The following CORO2A variants were observed in gnomAD, a reference collection of about 807,000 sequenced individuals.
CORO2A encodes the protein coronin 2A.
Under a neutral mutation model 62.4 loss-of-function variants are expected in CORO2A, and 47 were observed. The observed-to-expected ratio is 0.75, with a 90% CI of 0.60 to 0.96. The LOEUF is 0.96. Among genes scored for constraint, CORO2A ranks in the 40% least tolerant of loss-of-function variants. The pLI, the probability that CORO2A is intolerant of heterozygous loss-of-function variation, is 0.00. For synonymous variants in CORO2A, 273 were observed against 268.9 expected (o/e 1.02, Z -0.15); for missense variants, 610 against 684.1 (o/e 0.89, Z 1.21).
intron 2 of CORO2A, among the ~76,000 whole-genome samples, chr9:98,146,996 G>A (rs756416497): frequency 1.4e-4 from 21 of 152,184 alleles, no homozygotes; most frequent in Non-Finnish European, 2.4e-4. Context: ...GCCAGGTGTG[G>A]TGGCTCATGC....
At chr9:98,142,063 G>T (rs1358359528) in intron 2 of CORO2A, among the ~76,000 whole-genome samples, 1 of 152,188 alleles carries the variant, frequency 6.6e-6, no homozygotes, top group African/African-American at 2.4e-5. Context: ...ATTAAAAAAG[G>T]TGTTTAAAAA....
At chr9:98,127,108 G>A (rs1827332838) in intron 10 of CORO2A, among the ~76,000 whole-genome samples, 1 of 152,204 alleles carries the variant, frequency 6.6e-6, no homozygotes, top group South Asian at 2.1e-4. Flanking sequence ...ATGAGACCTT[G>A]CCCTTGCTTT....
chr9:98,160,306 G>C (rs1827866351), intron 1 of CORO2A, among the ~76,000 whole-genome samples: 1 of 152,192 alleles, frequency 6.6e-6, no homozygotes, highest in Admixed American at 6.5e-5. Flanking sequence ...AGGGACACAA[G>C]GAAAATGCAG....
At position 98,126,732 on chromosome 9, in the gene CORO2A, T is replaced by TG. The variant is rs1439763628; in HGVS notation, c.1262dup (p.Ala422SerfsTer49). ...TCTGATTCAAGAGCCGGGGTGAGGC[T>TG]GGGGCCATGGAATTGAAGATAGGTC... On this transcript the variant is annotated frameshift_variant, in exon 11 of 12. Transcript: ENST00000375077. LOFTEE classifies it high-confidence loss of function. The TG allele has an allele frequency of 6.2e-7, 1 of 1,614,032 alleles. No individual in the cohort carries two copies. The highest frequency in any genetic ancestry group is 8.5e-7 in the Non-Finnish European group (1 of 1,180,034).
intron 1 of CORO2A, among the ~76,000 whole-genome samples, chr9:98,184,055 A>C (rs1828208970): frequency 6.6e-6 from 1 of 152,172 alleles, no homozygotes; most frequent in African/African-American, 2.4e-5. Flanking sequence ...AGTATACAGG[A>C]GGGTGTGTGT....
chr9:98,142,971 A>G (rs1413362513), intron 2 of CORO2A, among the ~76,000 whole-genome samples: 1 of 152,192 alleles, frequency 6.6e-6, no homozygotes, highest in Non-Finnish European at 1.5e-5. Flanking sequence ...CTGGTGGGCT[A>G]TTGACTGAGC....
intron 2 of CORO2A, among the ~76,000 whole-genome samples, chr9:98,151,879 C>T (rs777215718): frequency 1.3e-4 from 19 of 150,232 alleles, no homozygotes; most frequent in Admixed American, 7.3e-4. Context: ...TACAGTGGCG[C>T]GATCTCGACT....
At chr9:98,147,758 C>A (rs1263936999) in intron 2 of CORO2A, among the ~76,000 whole-genome samples, 1 of 152,208 alleles carries the variant, frequency 6.6e-6, no homozygotes, top group Non-Finnish European at 1.5e-5. Flanking sequence ...CCTTATGACT[C>A]AGCAACCGCA....
intron 9 of CORO2A, 105 bp downstream of exon 9, chr9:98,128,502 G>T: frequency 9.8e-7 from 1 of 1,016,652 alleles, no homozygotes; most frequent in South Asian, 1.3e-5. Context: ...CTCTGTGGCT[G>T]CCCCATGAAC....
At chr9:98,139,067 G>T (rs200568168) in intron 2 of CORO2A, among the ~76,000 whole-genome samples, 10 of 148,224 alleles carry the variant, frequency 6.7e-5, no homozygotes, top group Non-Finnish European at 1.3e-4. Context: ...AAAAAAGAAA[G>T]AAAAATGCAG....
chr9:98,132,392 G>A (rs554455879), intron 5 of CORO2A, 91 bp from the exon 6 acceptor site: 44 of 1,015,974 alleles, frequency 4.3e-5, no homozygotes, highest in African/African-American at 2.2e-4. Flanking sequence ...TTATGCCACC[G>A]CTCCACCTGG....
intron 2 of CORO2A, among the ~76,000 whole-genome samples, chr9:98,154,300 G>C (rs1049569350): frequency 2.1e-5 from 2 of 95,534 alleles, no homozygotes; most frequent in Admixed American, 2.4e-4. Context: ...AAACCATCTA[G>C]GCCTAGAGTC....
At chr9:98,154,206 G>A (rs763637282) in intron 2 of CORO2A, among the ~76,000 whole-genome samples, 26 of 151,662 alleles carry the variant, frequency 1.7e-4, no homozygotes, top group Non-Finnish European at 3.7e-4. Flanking sequence ...AATGAGGAAA[G>A]AAGTTGTTCA....
rs1466135325 is a variant in CORO2A, at chr9:98,181,314, CA to C, written c.-1+11244del. Among the ~76,000 whole-genome samples, 3 of 143,874 alleles carry C rather than the reference CA, an allele frequency of 2.1e-5. No individual in the cohort carries two copies. The East Asian group carries it at 8.1e-4, about 39-fold the overall frequency. 94.4% of individuals were successfully genotyped at this position (143,874 alleles called of 152,430 possible). ...TAATCCCAGCCTCCTGTCCCACCTTCAAATCATCTCTCTCTCTTGCTTTTTT... is the reference window on the plus strand; with the variant it reads ...TAATCCCAGCCTCCTGTCCCACCTTCAATCATCTCTCTCTCTTGCTTTTTT... On this transcript the variant is annotated intron_variant, in intron 1 of 11. Coordinates refer to ENST00000375077, the MANE Select transcript of CORO2A (RefSeq NM_052820.4).
intron 7 of CORO2A, 68 bp from the exon 8 acceptor site, chr9:98,129,958 C>A: frequency 8.1e-7 from 1 of 1,233,476 alleles, no homozygotes; most frequent in Admixed American, 1.7e-5. Flanking sequence ...ATCAGCAACC[C>A]AGCCATGCAG....
chr9:98,158,405 A>G (rs1015177057), intron 1 of CORO2A, among the ~76,000 whole-genome samples: 2 of 152,196 alleles, frequency 1.3e-5, no homozygotes, highest in African/African-American at 4.8e-5. Context: ...AACAGTGGCA[A>G]TCACAGCCAC....
At chr9:98,138,808 G>T (rs760613369) in intron 2 of CORO2A, among the ~76,000 whole-genome samples, 1 of 152,088 alleles carries the variant, frequency 6.6e-6, no homozygotes, top group African/African-American at 2.4e-5. Context: ...CAGCACTTTG[G>T]GGGGCCGAGG....
intron 1 of CORO2A, among the ~76,000 whole-genome samples, chr9:98,174,666 G>A (rs1256627133): frequency 6.6e-6 from 1 of 152,130 alleles, no homozygotes; most frequent in Admixed American, 6.5e-5. Context: ...AGATCTGATG[G>A]TTGAAAAGTG....
chr9:98,133,350 C>T, intron 4 of CORO2A, 133 bp from the exon 5 acceptor site: 1 of 815,452 alleles, frequency 1.2e-6, no homozygotes, highest in East Asian at 2.7e-5. Context: ...GGCCAAGAAG[C>T]CTCAGTGGGA....
Sources: allele counts gnomAD v4.1 joint callset (sites outside exome capture counted in the v4.1 genomes callset), GRCh38; gene constraint gnomAD v4.1.1; transcripts MANE v1.5; gene names NCBI Gene and HGNC (gene_info 2026-07-23, HGNC 2026-07-21).